The following PALS1 variants were observed in gnomAD, a reference collection of about 807,000 sequenced individuals.
PALS1 encodes the protein protein PALS1.
Under a neutral mutation model 78.9 loss-of-function variants are expected in PALS1, and 31 were observed. That is an observed-to-expected ratio of 0.39 (90% CI 0.30 to 0.53). PALS1 has a LOEUF of 0.53. PALS1 is among the 20% of genes least tolerant of loss of function. The pLI is 0.67. For synonymous variants in PALS1, 276 were observed against 270.9 expected (o/e 1.02, Z -0.18); for missense variants, 704 against 826.5 (o/e 0.85, Z 1.82).
At chr14:67,251,608 A>G (rs888757309) in intron 1 of PALS1, among the ~76,000 whole-genome samples, 9 of 152,204 alleles carry the variant, frequency 5.9e-5, no homozygotes, top group Admixed American at 6.5e-5. Context: ...CCTTAAGGGT[A>G]GGATAGTGGG....
intron 7 of PALS1, 65 bp downstream of exon 7, chr14:67,302,636 A>T: frequency 1.6e-6 from 2 of 1,231,278 alleles, no homozygotes. Context: ...ACTTTAGAAT[A>T]AAATATTTTT....
At chr14:67,257,614 G>A (rs1165169532) in intron 1 of PALS1, among the ~76,000 whole-genome samples, 35 of 151,596 alleles carry the variant, frequency 2.3e-4, no homozygotes, top group Admixed American at 2.3e-3. Context: ...AAAAAGAAAT[G>A]GCATGTATGT....
In PALS1 at chr14:67,315,954, C is replaced by CA. The variant is rs2085167481; in HGVS notation, c.1226-878_1226-877insA. 3.9e-5 allele frequency among the ~76,000 whole-genome samples: 6 copies of CA among 152,362 alleles called. No homozygotes were observed. The South Asian group carries it at 1.2e-3, about 32-fold the overall frequency. ...GATAACCAGGCTTCCTTTAATGCTT[C>CA]TTATGTGTATGGAAGTCAGTATTAA... On this transcript the variant is annotated intron_variant, in intron 9 of 14. Coordinates refer to ENST00000261681, the MANE Select transcript of PALS1 (RefSeq NM_022474.4).
chr14:67,317,492 C>T lies in PALS1; in HGVS notation c.1369+13C>T, dbSNP rs775474310. The T allele has an allele frequency of 1.3e-6, 2 of 1,569,198 alleles. No individual in the cohort carries two copies. Among genetic ancestry groups the T allele is most frequent in the Admixed American group, 3.4e-5 (2 of 58,606 alleles). On this transcript the variant is annotated intron_variant, in intron 11 of 14. Coordinates refer to ENST00000261681, the MANE Select transcript of PALS1 (RefSeq NM_022474.4). ...AATAAAAATGATGGTAAGTTCTACT[C>T]TCAGGGATAGGTGGAATTATATCTG...
At chr14:67,277,095 C>G (rs1334926497) in intron 2 of PALS1, among the ~76,000 whole-genome samples, 1 of 152,122 alleles carries the variant, frequency 6.6e-6, no homozygotes, top group African/African-American at 2.4e-5. Flanking sequence ...AATTTTTCTG[C>G]TTACTTGTAA....
intron 13 of PALS1, among the ~76,000 whole-genome samples, chr14:67,321,869 T>C (rs558799389): frequency 6.6e-6 from 1 of 152,276 alleles, no homozygotes; most frequent in East Asian, 1.9e-4. Context: ...GGTAGTACTT[T>C]AATTTGAGTC....
chr14:67,333,613 G>GACTCTAC lies in PALS1; in HGVS notation c.*662_*668dup, dbSNP rs1468058162. The GACTCTAC allele has an allele frequency of 6.6e-6, 1 of 152,526 alleles. No homozygotes were observed. Among genetic ancestry groups the GACTCTAC allele is most frequent in the African/African-American group, 2.4e-5 (1 of 41,398 alleles). The allele number at this position is 152,526 out of a possible 1,614,324, so 9.4% of individuals were successfully genotyped here. A position where few individuals can be genotyped will look rare whatever the true frequency, so the allele number is the denominator to read the frequency against. Reference sequence around the variant, plus strand: ...TTTTTTGCTCAGACTTTGTGGATCAGACTCTACACTCAACACACTCTAATC... The same window carrying GACTCTAC: ...TTTTTTGCTCAGACTTTGTGGATCAGACTCTACACTCTACACTCAACACACTCTAATC... On this transcript the variant is annotated 3_prime_UTR_variant, in exon 15 of 15. Coordinates refer to ENST00000261681, the MANE Select transcript of PALS1 (RefSeq NM_022474.4).
At chr14:67,311,337 G>T (rs1388702304) in intron 8 of PALS1, among the ~76,000 whole-genome samples, 3 of 143,474 alleles carry the variant, frequency 2.1e-5, no homozygotes, top group African/African-American at 7.8e-5. Flanking sequence ...AAAAGCCAAA[G>T]CCAAATAATA....
intron 4 of PALS1, chr14:67,294,403 G>A (rs2084814669): frequency 6.6e-6 from 1 of 151,654 alleles, no homozygotes; most frequent in Non-Finnish European, 1.5e-5. Context: ...TTTTACAGCT[G>A]GAAAAAAATA....
chr14:67,280,957 T>C (rs2084601322), intron 3 of PALS1, among the ~76,000 whole-genome samples: 1 of 150,090 alleles, frequency 6.7e-6, no homozygotes, highest in Non-Finnish European at 1.5e-5. Context: ...AGTGCAGTGG[T>C]GCAATCTTCG....
intron 14 of PALS1, among the ~76,000 whole-genome samples, chr14:67,332,213 G>A (rs1445730457): frequency 1.3e-5 from 2 of 152,112 alleles, no homozygotes; most frequent in African/African-American, 4.8e-5. Context: ...ACATAGCCTT[G>A]CTGCCTGCTT....
intron 9 of PALS1, among the ~76,000 whole-genome samples, chr14:67,316,073 T>C (rs1014971194): frequency 6.6e-6 from 1 of 152,212 alleles, no homozygotes; most frequent in Non-Finnish European, 1.5e-5. Flanking sequence ...AATCTCTGGC[T>C]TTACACTGAA....
chr14:67,309,447 G>A (rs1274958954), intron 8 of PALS1, among the ~76,000 whole-genome samples: 1 of 152,136 alleles, frequency 6.6e-6, no homozygotes, highest in Non-Finnish European at 1.5e-5. Context: ...GAAAGTAAGA[G>A]CTTTTTCTCT....
intron 3 of PALS1, among the ~76,000 whole-genome samples, chr14:67,284,874 C>T (rs1172261713): frequency 6.6e-6 from 1 of 152,026 alleles, no homozygotes; most frequent in African/African-American, 2.4e-5. Flanking sequence ...AAATATACCA[C>T]ATCTTGTTTT....
Position 67,301,952 on chromosome 14 carries a change from C to A in PALS1, c.655-20C>A. 6.3e-7 allele frequency: 1 copy of A among 1,580,660 alleles called. No individual in the cohort carries two copies. Among genetic ancestry groups the A allele is most frequent in the South Asian group, 1.2e-5 (1 of 85,078 alleles). ...TAAATCATGCTGTTACTTAAAATGC[C>A]ATGGATTTCTTTGAAACAGGCACTT... On this transcript the variant is annotated intron_variant, in intron 5 of 14. Transcript: ENST00000261681.
In PALS1 at chr14:67,301,445, G is replaced by A; in HGVS notation, c.633G>A (p.Leu211=). ...HHKEGQELTA[L]LNTPHIQALL... ...AGGAAGGACAAGAACTAACTGCTTT[G>A]CTGAATACTCCACATATTCAGGTAG... Residue 211 remains leucine, a synonymous_variant, in exon 5 of 15, where the codon TTG becomes TTA. Transcript: ENST00000261681. 1 of 1,610,456 alleles carries A rather than the reference G, an allele frequency of 6.2e-7. No homozygotes were observed. Among genetic ancestry groups the A allele is most frequent in the East Asian group, 2.2e-5 (1 of 44,678 alleles).
chr14:67,328,072 T>C (rs2085386624), intron 14 of PALS1, among the ~76,000 whole-genome samples: 1 of 152,220 alleles, frequency 6.6e-6, no homozygotes, highest in Non-Finnish European at 1.5e-5. Context: ...TCTTCCACAA[T>C]GGTTGAACTA....
chr14:67,312,859 C>G, intron 9 of PALS1, 149 bp downstream of exon 9: 1 of 588,224 alleles, frequency 1.7e-6, no homozygotes, highest in Non-Finnish European at 2.8e-6. Context: ...GTTGTACCTG[C>G]AGCGTAAGTA....
chr14:67,325,976 T>G (rs564086775), intron 14 of PALS1, among the ~76,000 whole-genome samples: 1 of 127,018 alleles, frequency 7.9e-6, no homozygotes, highest in East Asian at 2.3e-4. Context: ...ACCCGGCTCT[T>G]TTCTTTTTTT....
Sources: gnomAD v4.1 joint callset for allele counts (sites outside exome capture counted in the v4.1 genomes callset) on GRCh38, gnomAD v4.1.1 for gene constraint, MANE v1.5 for transcripts, NCBI Gene and HGNC (gene_info 2026-07-23, HGNC 2026-07-21) for gene names.